The following AHCYL2 variants were observed in gnomAD, a reference collection of about 807,000 sequenced individuals.
The protein encoded by AHCYL2 is adenosylhomocysteinase like 2, also known as S-adenosylhomocysteine hydrolase-like protein 2.
Under a neutral mutation model 81.4 loss-of-function variants are expected in AHCYL2, and 28 were observed. The ratio of observed to expected loss-of-function variants is 0.34; its 90% CI spans 0.25 to 0.47. The LOEUF (loss-of-function observed/expected upper bound fraction) is 0.47, where lower values mean the gene tolerates loss of function less well. Ranked by LOEUF, AHCYL2 falls within the 20% of genes least tolerant of loss-of-function variation. The pLI is 1.00. For missense variants in AHCYL2, 551 were observed against 785.1 expected, an observed-to-expected ratio of 0.70 and a Z score of 3.56; for synonymous variants, 272 against 290.2, an observed-to-expected ratio of 0.94 and a Z score of 0.64.
At chr7:129,271,012 A>G (rs185386988) in intron 1 of AHCYL2, among the ~76,000 whole-genome samples, 111 of 152,266 alleles carry the variant, frequency 7.3e-4, no homozygotes, top group African/African-American at 2.5e-3. Context: ...AAACTTCTCT[A>G]TAGGGATATC....
At chr7:129,340,228 C>T (rs1410016315) in intron 1 of AHCYL2, among the ~76,000 whole-genome samples, 1 of 148,164 alleles carries the variant, frequency 6.7e-6, no homozygotes. Context: ...GGCCCCTTTT[C>T]CTCTGTTCTT....
At chr7:129,261,456 C>T (rs1243353766) in intron 1 of AHCYL2, among the ~76,000 whole-genome samples, 1 of 152,198 alleles carries the variant, frequency 6.6e-6, no homozygotes, top group Non-Finnish European at 1.5e-5. Flanking sequence ...TATCACTTAA[C>T]TAGCATAAGA....
chr7:129,276,149 T>G (rs910039508), intron 1 of AHCYL2, among the ~76,000 whole-genome samples: 1 of 151,992 alleles, frequency 6.6e-6, no homozygotes, highest in Non-Finnish European at 1.5e-5. Context: ...GAAAAAATAA[T>G]AATGGAAATT....
intron 1 of AHCYL2, among the ~76,000 whole-genome samples, chr7:129,259,471 T>C (rs563718470): frequency 6.6e-6 from 1 of 152,338 alleles, no homozygotes; most frequent in South Asian, 2.1e-4. Context: ...ATTTAGAGAT[T>C]AGATGACTGG....
At position 129,427,958 on chromosome 7, in the gene AHCYL2, G is replaced by A. The variant is rs147648646; in HGVS notation, c.*913G>A. On this transcript the variant is annotated 3_prime_UTR_variant, in exon 17 of 17. Transcript: ENST00000325006. This position sits in a 1 kb window ranked among gnomAD's most constrained non-coding sequence, Gnocchi z 5.5. ...ACTTCCTGCTATTGCCTAAAGCTAC[G>A]TCTGAAACTGAGTAGGGAAAGGCAT... The A allele has an allele frequency of 0.017, 2,664 of 152,604 alleles. 51 individuals are homozygous for A. The highest frequency in any genetic ancestry group is 0.051 in the Middle Eastern group (15 of 294). The allele number at this position is 152,604 out of a possible 1,614,324, so 9.5% of individuals were successfully genotyped here. A position where few individuals can be genotyped will look rare whatever the true frequency, so the allele number is the denominator to read the frequency against.
rs71162592 is a variant in AHCYL2 at position 129,299,369 on chromosome 7, G to GTTTTTTTTTTTTTTTTTTTTTTTTTT, written c.363+73947_363+73972dup. On this transcript the variant is annotated intron_variant, in intron 1 of 16. Coordinates refer to ENST00000325006, the MANE Select transcript of AHCYL2 (RefSeq NM_015328.4). The stretch of plus-strand genomic sequence containing the variant: ...AGGCTGAGGTGGGAGAGTCCAACTT[G>GTTTTTTTTTTTTTTTTTTTTTTTTTT]TTTTTTTTTTTTTTTTTTTTTTTTT... Among the ~76,000 whole-genome samples, 3 of 46,306 alleles carry GTTTTTTTTTTTTTTTTTTTTTTTTTT rather than the reference G, an allele frequency of 6.5e-5. 1 individual carries two copies. The highest frequency in any genetic ancestry group is 8.2e-5 in the African/African-American group (1 of 12,216). 30.4% of individuals were successfully genotyped at this position (46,306 alleles called of 152,430 possible). A position where few individuals can be genotyped will look rare whatever the true frequency, so the allele number is the denominator to read the frequency against.
At chr7:129,404,357 A>C (rs1796195533) in intron 7 of AHCYL2, among the ~76,000 whole-genome samples, 1 of 152,164 alleles carries the variant, frequency 6.6e-6, no homozygotes, top group Non-Finnish European at 1.5e-5. Flanking sequence ...TTCACCCATA[A>C]AGAACTAAAA....
chr7:129,337,140 GT>G (rs946689281), intron 1 of AHCYL2, among the ~76,000 whole-genome samples: 1 of 152,156 alleles, frequency 6.6e-6, no homozygotes, highest in Non-Finnish European at 1.5e-5. Flanking sequence ...ATAAAAATAA[GT>G]TTTTTATCAT....
At chr7:129,283,569 T>A (rs907240385) in intron 1 of AHCYL2, 5 of 339,564 alleles carry the variant, frequency 1.5e-5, no homozygotes, top group Admixed American at 7.7e-5. Context: ...CTGACAGAAA[T>A]TTTCTAGACT....
intron 1 of AHCYL2, among the ~76,000 whole-genome samples, chr7:129,320,651 GC>G (rs1797982361): frequency 6.6e-6 from 1 of 152,122 alleles, no homozygotes. Flanking sequence ...TAAATAATAT[GC>G]CATAAAATCT....
At chr7:129,325,199 A>G (rs962619885) in intron 1 of AHCYL2, among the ~76,000 whole-genome samples, 28 of 152,002 alleles carry the variant, frequency 1.8e-4, no homozygotes, top group East Asian at 1.9e-4. Context: ...TGTTTCTTGT[A>G]CTGCAAGCCT....
intron 1 of AHCYL2, among the ~76,000 whole-genome samples, chr7:129,266,661 G>C (rs772546637): frequency 6.6e-5 from 10 of 152,296 alleles, no homozygotes; most frequent in African/African-American, 2.4e-4. Context: ...ATATAATTGA[G>C]TATCTAATTT....
intron 2 of AHCYL2, among the ~76,000 whole-genome samples, chr7:129,382,029 A>G (rs898910965): frequency 1.3e-5 from 2 of 152,116 alleles, no homozygotes; most frequent in African/African-American, 4.8e-5. Flanking sequence ...AGAAATGCCT[A>G]CTATCCTGAT....
intron 1 of AHCYL2, among the ~76,000 whole-genome samples, chr7:129,326,136 A>G (rs1798215947): frequency 6.6e-6 from 1 of 152,174 alleles, no homozygotes; most frequent in African/African-American, 2.4e-5. Flanking sequence ...AAATATTAGT[A>G]TACATCTGTG....
At chr7:129,390,098 A>T (rs942889338) in intron 4 of AHCYL2, among the ~76,000 whole-genome samples, 1 of 152,206 alleles carries the variant, frequency 6.6e-6, no homozygotes, top group African/African-American at 2.4e-5. Flanking sequence ...TCCTATACAT[A>T]TATACCTATA....
chr7:129,318,915 ATAT>A (rs2150785091), intron 1 of AHCYL2, among the ~76,000 whole-genome samples: 1 of 152,016 alleles, frequency 6.6e-6, no homozygotes, highest in South Asian at 2.1e-4. Context: ...AAATTCGACT[ATAT>A]AATTTTTTTT....
In AHCYL2 at chr7:129,282,272, A is replaced by G. The variant is rs149152470; in HGVS notation, c.363+56833A>G. Among the ~76,000 whole-genome samples the G allele has an allele frequency of 6.1e-3, 933 of 152,226 alleles. 15 individuals are homozygous for G. Among genetic ancestry groups the G allele is most frequent in the African/African-American group, 0.022 (899 of 41,544 alleles). ...TCTTAGATCTATGAGTTTATTGTCA[A>G]TATCAAATTTGGAAAAATTTGGCCA... is the stretch of plus-strand genomic sequence containing the variant. On this transcript the variant is annotated intron_variant, in intron 1 of 16. Transcript: ENST00000325006.
intron 1 of AHCYL2, among the ~76,000 whole-genome samples, chr7:129,307,238 C>G (rs868007300): frequency 6.6e-6 from 1 of 152,162 alleles, no homozygotes; most frequent in Non-Finnish European, 1.5e-5. Flanking sequence ...TGTTCAGGAG[C>G]CAGCGCTTGG....
chr7:129,326,038 A>G (rs532565319), intron 1 of AHCYL2, among the ~76,000 whole-genome samples: 7 of 152,286 alleles, frequency 4.6e-5, no homozygotes, highest in Admixed American at 4.6e-4. Context: ...AAATGACTCC[A>G]TAATGTGTTC....
Sources: gnomAD v4.1 joint callset for allele counts (sites outside exome capture counted in the v4.1 genomes callset) on GRCh38, gnomAD v4.1.1 for gene constraint, Gnocchi (gnomAD v3.1) non-coding constraint, MANE v1.5 for transcripts, NCBI Gene and HGNC (gene_info 2026-07-23, HGNC 2026-07-21) for gene names.